The following ANKRD36C variants were observed in gnomAD, a reference collection of about 807,000 sequenced individuals.
ANKRD36C encodes the protein ankyrin repeat domain 36C.
In ANKRD36C, 61 loss-of-function variants were observed where a neutral mutation model predicts 276.4. That is an observed-to-expected ratio of 0.22 (90% confidence interval 0.18 to 0.27). The LOEUF is 0.27. Among genes scored for constraint, ANKRD36C ranks in the 10% least tolerant of loss-of-function variants. The probability of loss-of-function intolerance (pLI) is 1.00; values close to 1 mark genes in which losing one functional copy is unlikely to be tolerated. For missense variants in ANKRD36C, 1,447 were observed against 2,032.3 expected, an observed-to-expected ratio of 0.71 and a Z score of 5.54; for synonymous variants, 483 against 680.1, an observed-to-expected ratio of 0.71 and a Z score of 4.51.
intron 17 of ANKRD36C, among the ~76,000 whole-genome samples, chr2:95,946,156 G>GAAAAAAAAAAAAAAAAAAAAAA (rs56964568): frequency 1.6e-4 from 12 of 73,302 alleles, no homozygotes; most frequent in East Asian, 8.9e-4. Context: ...ACAGAGAGAG[G>GAAAAAAAAAAAAAAAAAAAAAA]AAAAAAAAAA....
At chr2:95,921,565 A>G (rs903748406) in intron 34 of ANKRD36C, 42 bp downstream of exon 34, 2 of 1,579,530 alleles carry the variant, frequency 1.3e-6, no homozygotes, top group Non-Finnish European at 1.7e-6. Context: ...GTTCTTTTCT[A>G]TCTGGATTGA....
At chr2:95,858,142 A>C (rs1675466290) in intron 61 of ANKRD36C, among the ~76,000 whole-genome samples, 1 of 151,634 alleles carries the variant, frequency 6.6e-6, no homozygotes, top group Non-Finnish European at 1.5e-5. Flanking sequence ...AAAATGTATA[A>C]AACCAAGCTG....
intron 34 of ANKRD36C, among the ~76,000 whole-genome samples, chr2:95,919,122 T>G (rs1173529172): frequency 7.3e-6 from 1 of 136,774 alleles, no homozygotes; most frequent in African/African-American, 2.5e-5. Flanking sequence ...CTGCTTCCAG[T>G]AGTTCCTGGA....
At chr2:95,957,143 C>A (rs1307703497) in intron 12 of ANKRD36C, among the ~76,000 whole-genome samples, 1 of 152,242 alleles carries the variant, frequency 6.6e-6, no homozygotes, top group African/African-American at 2.4e-5. Flanking sequence ...TGGCGAAAGC[C>A]GGTCTCTAGT....
rs145286851 is a variant in ANKRD36C, at chr2:95,879,119, A to G, written c.3469+1308T>C. 1.4e-3 allele frequency among the ~76,000 whole-genome samples: 208 copies of G among 152,202 alleles called. 1 individual carries two copies. The highest frequency in any genetic ancestry group is 6.8e-3 in the Middle Eastern group (2 of 294). On this transcript the variant is annotated intron_variant, in intron 58 of 66. Transcript: ENST00000456556. ...TGTGATACATATATGGCTCAGCCAT[A>G]TGAAAGAATAAGATCCTCTCATTCA... is the stretch of plus-strand genomic sequence containing the variant.
In ANKRD36C at chr2:95,916,557, C is replaced by G. The variant is rs147800258; in HGVS notation, c.2348-386G>C. Reference sequence around the variant, plus strand: ...TCCCACATGTCTTTCATGCAAGAAACCAAAGGATTTACACCATTACACTAC... The same window carrying G: ...TCCCACATGTCTTTCATGCAAGAAAGCAAAGGATTTACACCATTACACTAC... On this transcript the variant is annotated intron_variant, in intron 36 of 66. Transcript: ENST00000456556. Among the ~76,000 whole-genome samples, 194 of 151,694 alleles carry G rather than the reference C, an allele frequency of 1.3e-3. 1 individual carries two copies. The highest frequency in any genetic ancestry group is 1.9e-3 in the Non-Finnish European group (128 of 67,708).
At chr2:95,855,938 A>G in exon 63 of ANKRD36C, 1 of 1,613,540 alleles carries the variant, frequency 6.2e-7, no homozygotes, top group South Asian at 1.1e-5. Context: ...TTGTGTTTTC[A>G]TCCGTCAGAG....
intron 4 of ANKRD36C, 129 bp downstream of exon 4, chr2:95,982,127 T>A (rs973480913): frequency 3.0e-5 from 21 of 707,494 alleles, no homozygotes; most frequent in Non-Finnish European, 4.6e-5. Context: ...GTGTTGATAT[T>A]TCTCACTATA....
intron 36 of ANKRD36C, among the ~76,000 whole-genome samples, chr2:95,916,890 G>T (rs574713727): frequency 3.3e-5 from 5 of 151,538 alleles, no homozygotes; most frequent in African/African-American, 7.3e-5. Context: ...TTTGACATAC[G>T]TATACAAAGT....
At chr2:95,907,622 T>C (rs1053142613) in intron 42 of ANKRD36C, 1 of 140,940 alleles carries the variant, frequency 7.1e-6, no homozygotes, top group Non-Finnish European at 1.6e-5. Context: ...TCATTGAAAA[T>C]GACCATTTTA....
At chr2:95,972,466 C>T (rs1678719185) in intron 6 of ANKRD36C, among the ~76,000 whole-genome samples, 1 of 152,178 alleles carries the variant, frequency 6.6e-6, no homozygotes, top group Admixed American at 6.5e-5. Context: ...GAAGCTTGTG[C>T]CTGGCTTCCC....
chr2:95,880,171 G>C (rs1162456590), intron 58 of ANKRD36C, among the ~76,000 whole-genome samples: 1 of 150,840 alleles, frequency 6.6e-6, no homozygotes, highest in Admixed American at 6.6e-5. Flanking sequence ...CAAGAGCAAA[G>C]CTCTGTCTCC....
At chr2:95,867,115 G>A (rs952424839) in intron 60 of ANKRD36C, among the ~76,000 whole-genome samples, 8 of 152,192 alleles carry the variant, frequency 5.3e-5, no homozygotes, top group African/African-American at 1.9e-4. Context: ...TAGTAGAAAA[G>A]ACAGTTAGAG....
At chr2:95,964,147 A>C (rs2104511137) in intron 6 of ANKRD36C, among the ~76,000 whole-genome samples, 1 of 149,416 alleles carries the variant, frequency 6.7e-6, no homozygotes, top group East Asian at 2.0e-4. Context: ...TCCTTTTATG[A>C]AATAAATACC....
rs1675299309 is a variant in ANKRD36C at position 95,851,853 on chromosome 2, A to G, written c.5220-66T>C. Reference sequence around the variant, plus strand: ...TGTTTTTAAATCATGTAAATTCTAAACAAACTTCTGAAGGTATAATTACAC... The same window carrying G: ...TGTTTTTAAATCATGTAAATTCTAAGCAAACTTCTGAAGGTATAATTACAC... On this transcript the variant is annotated intron_variant, in intron 65 of 66. Transcript: ENST00000456556. The G allele has an allele frequency of 9.6e-6, 14 of 1,458,080 alleles. No individual in the cohort carries two copies. In the South Asian group the frequency reaches 1.4e-4, roughly 15 times the overall value. The allele number at this position is 1,458,080 out of a possible 1,614,324, so 90.3% of individuals were successfully genotyped here.
chr2:95,963,004 G>A (rs1396321821), intron 6 of ANKRD36C, among the ~76,000 whole-genome samples: 1 of 151,978 alleles, frequency 6.6e-6, no homozygotes, highest in Non-Finnish European at 1.5e-5. Context: ...AACTGAGAAG[G>A]TACACAATTA....
chr2:95,988,185 G>A (rs1573822369), intron 1 of ANKRD36C, among the ~76,000 whole-genome samples: 2 of 147,278 alleles, frequency 1.4e-5, no homozygotes, highest in African/African-American at 5.0e-5. Context: ...TTAAAACAAA[G>A]TAATTCTTAC....
intron 66 of ANKRD36C, among the ~76,000 whole-genome samples, 162 bp downstream of exon 86, chr2:95,851,531 AG>A (rs1558613966): frequency 6.6e-6 from 1 of 152,248 alleles, no homozygotes; most frequent in Non-Finnish European, 1.5e-5. Flanking sequence ...GTTTAGACTC[AG>A]GTACCATCCG....
Position 95,956,637 on chromosome 2 carries a change from G to C in ANKRD36C, c.1136+149C>G, listed in dbSNP as rs1020246754. The C allele has an allele frequency of 1.1e-5, 10 of 908,156 alleles. No homozygotes were observed. In the African/African-American group the frequency reaches 1.4e-4, roughly 12 times the overall value. The allele number at this position is 908,156 out of a possible 1,614,324, so 56.3% of individuals were successfully genotyped here. ...AAAGCAATAATAGCACAAATAGTTTGTAAAGCTGTGTGGAGATGACATGAC... is the reference window on the plus strand; with the variant it reads ...AAAGCAATAATAGCACAAATAGTTTCTAAAGCTGTGTGGAGATGACATGAC... On this transcript the variant is annotated intron_variant, in intron 13 of 66. Transcript: ENST00000456556.
Sources: gnomAD v4.1 joint callset for allele counts (sites outside exome capture counted in the v4.1 genomes callset) on GRCh38, gnomAD v4.1.1 for gene constraint, MANE v1.5 for transcripts, NCBI Gene and HGNC (gene_info 2026-07-23, HGNC 2026-07-21) for gene names.